Variants in COG5 observed in about 807,000 individuals in gnomAD.
COG5 encodes component of oligomeric golgi complex 5.
A neutral mutation model predicts 110.4 loss-of-function variants in COG5; 86 were observed. The ratio of observed to expected loss-of-function variants is 0.78; its 90% CI spans 0.65 to 0.93. The LOEUF is 0.93. COG5 is among the 40% of genes least tolerant of loss of function. The pLI, the probability that COG5 is intolerant of heterozygous loss-of-function variation, is 0.00. For missense variants in COG5, 1,077 were observed against 987.0 expected (o/e 1.09, Z -1.22); for synonymous variants, 360 against 334.6 (o/e 1.08, Z -0.83).
chr7:107,450,659 G>A (rs1458352578), intron 6 of COG5, among the ~76,000 whole-genome samples: 2 of 152,186 alleles, frequency 1.3e-5, no homozygotes, highest in Non-Finnish European at 2.9e-5. Flanking sequence ...CCATTGTATT[G>A]TGCAAATGCA....
chr7:107,328,358 C>T lies in COG5; in HGVS notation c.1027-3837G>A, dbSNP rs562263147. On this transcript the variant is annotated intron_variant, in intron 10 of 21. Transcript: ENST00000297135. Reference sequence around the variant, plus strand: ...ACAGTACTACAGTCTTATGAGGCCACAGTTGTATGTGCAGCCTGTCATTGA... The same window carrying T: ...ACAGTACTACAGTCTTATGAGGCCATAGTTGTATGTGCAGCCTGTCATTGA... Among the ~76,000 whole-genome samples, 3 of 152,310 alleles carry T rather than the reference C, an allele frequency of 2.0e-5. No homozygotes were observed. The East Asian group carries it at 5.8e-4, about 29-fold the overall frequency.
chr7:107,234,263 G>C (rs1214050053), intron 18 of COG5, among the ~76,000 whole-genome samples: 1 of 152,150 alleles, frequency 6.6e-6, no homozygotes, highest in Non-Finnish European at 1.5e-5. Flanking sequence ...TAAAAAACAG[G>C]AAACAAGAGG....
At chr7:107,370,494 T>G (rs984863751) in intron 8 of COG5, among the ~76,000 whole-genome samples, 2 of 152,022 alleles carry the variant, frequency 1.3e-5, no homozygotes, top group Admixed American at 6.6e-5. Context: ...TTTTAAAATA[T>G]AAAATAATTG....
At chr7:107,302,802 A>G (rs1584647540) in intron 11 of COG5, among the ~76,000 whole-genome samples, 1 of 152,136 alleles carries the variant, frequency 6.6e-6, no homozygotes, top group African/African-American at 2.4e-5. Flanking sequence ...AAAGTTCCTT[A>G]CCTGCCATGC....
chr7:107,291,598 T>C (rs545127593), intron 12 of COG5, among the ~76,000 whole-genome samples: 2 of 152,306 alleles, frequency 1.3e-5, no homozygotes, highest in African/African-American at 4.8e-5. Context: ...ATGGCAGGAT[T>C]ATCTTCCTCA....
At chr7:107,445,926 C>T (rs1794980833) in intron 6 of COG5, among the ~76,000 whole-genome samples, 1 of 152,224 alleles carries the variant, frequency 6.6e-6, no homozygotes, top group East Asian at 1.9e-4. Context: ...TACAGGGCCA[C>T]TGTGTAGGGA....
chr7:107,437,784 A>AT (rs1264494218), intron 6 of COG5, among the ~76,000 whole-genome samples: 3 of 152,090 alleles, frequency 2.0e-5, no homozygotes, highest in African/African-American at 7.2e-5. Context: ...TATACTAAGC[A>AT]TTTTTTCATT....
chr7:107,387,730 CG>C (rs1790313684), intron 7 of COG5, among the ~76,000 whole-genome samples: 1 of 152,208 alleles, frequency 6.6e-6, no homozygotes, highest in South Asian at 2.1e-4. Flanking sequence ...CTCAATCACT[CG>C]ATCTGGGTTT....
intron 10 of COG5, among the ~76,000 whole-genome samples, chr7:107,333,414 C>G (rs1366142402): frequency 6.6e-6 from 1 of 152,104 alleles, no homozygotes; most frequent in Non-Finnish European, 1.5e-5. Flanking sequence ...CAACCCTATA[C>G]ACACACTACA....
At chr7:107,326,978 C>T (rs1177333607) in intron 10 of COG5, among the ~76,000 whole-genome samples, 2 of 152,008 alleles carry the variant, frequency 1.3e-5, no homozygotes, top group African/African-American at 4.8e-5. Context: ...GTGTTTGCAG[C>T]CAGCCTGGGC....
intron 14 of COG5, among the ~76,000 whole-genome samples, chr7:107,259,548 G>A (rs1180431389): frequency 6.6e-6 from 1 of 152,094 alleles, no homozygotes; most frequent in Non-Finnish European, 1.5e-5. Context: ...AAGTGTAAGT[G>A]GCCATGGTGA....
In COG5 at chr7:107,283,577, A is replaced by G; in HGVS notation, c.1469T>C (p.Ile490Thr). ...CTATATAAAAAATACATACCTTGCT[A>G]TAGTTTTAATAATACCATCAAGTTC... ...SDELDGIIKTIASELNVAAVD... is the reference protein window; with the variant it reads ...SDELDGIIKTTASELNVAAVD... The change falls in exon 13 of 22, where the codon ATA (isoleucine) becomes ACA (threonine). Residue 490 changes from isoleucine (I) to threonine (T), a missense_variant. Ile to Thr is a moderately conservative substitution (Grantham distance 89). Coordinates refer to ENST00000297135, the MANE Select transcript of COG5 (RefSeq NM_006348.5). 1.2e-6 allele frequency: 2 copies of G among 1,613,828 alleles called. No homozygotes were observed. The highest frequency in any genetic ancestry group is 8.5e-7 in the Non-Finnish European group (1 of 1,179,808).
chr7:107,295,066 C>CACACACACATATAT (rs1366898060), intron 12 of COG5, among the ~76,000 whole-genome samples: 3 of 45,820 alleles, frequency 6.5e-5, no homozygotes, highest in Non-Finnish European at 1.1e-4. Flanking sequence ...CACACACACA[C>CACACACACATATAT]ATATATATAT....
At chr7:107,489,034 T>A (rs1377598902) in intron 6 of COG5, among the ~76,000 whole-genome samples, 1 of 152,100 alleles carries the variant, frequency 6.6e-6, no homozygotes, top group East Asian at 1.9e-4. Context: ...CTTGAAAAAG[T>A]TTTTCTCTAT....
intron 19 of COG5, among the ~76,000 whole-genome samples, chr7:107,223,324 T>C (rs540960921): frequency 2.0e-5 from 3 of 152,170 alleles, no homozygotes; most frequent in African/African-American, 7.2e-5. Flanking sequence ...TCTATGGAGA[T>C]TCTTTAGGGA....
At chr7:107,282,949 G>A (rs1805305970) in intron 13 of COG5, among the ~76,000 whole-genome samples, 1 of 152,118 alleles carries the variant, frequency 6.6e-6, no homozygotes, top group African/African-American at 2.4e-5. Flanking sequence ...CTACTATTAT[G>A]ACAACTTGTT....
intron 10 of COG5, among the ~76,000 whole-genome samples, chr7:107,337,585 C>T (rs529019424): frequency 8.6e-5 from 13 of 150,880 alleles, no homozygotes; most frequent in East Asian, 5.9e-4. Context: ...TATATGGGAG[C>T]TTAAAATTTT....
chr7:107,288,940 A>ATC (rs1805912718), intron 12 of COG5, among the ~76,000 whole-genome samples: 1 of 114,164 alleles, frequency 8.8e-6, no homozygotes, highest in Non-Finnish European at 1.7e-5. Context: ...ATATATATAT[A>ATC]TATATATATA....
intron 6 of COG5, among the ~76,000 whole-genome samples, chr7:107,429,255 A>G (rs1032103251): frequency 2.0e-5 from 3 of 152,194 alleles, no homozygotes; most frequent in Admixed American, 1.3e-4. Context: ...AGAGTAGCAT[A>G]TTATGGATCT....
Sources: gnomAD v4.1 joint callset for allele counts (sites outside exome capture counted in the v4.1 genomes callset) on GRCh38, gnomAD v4.1.1 for gene constraint, MANE v1.5 for transcripts, NCBI Gene and HGNC (gene_info 2026-07-23, HGNC 2026-07-21) for gene names.